Variants in DAB1 observed in about 807,000 individuals in gnomAD.
DAB1 encodes the protein DAB adaptor protein 1, also known as disabled homolog 1.
In DAB1, 15 loss-of-function variants were observed where a neutral mutation model predicts 64.6. That is an observed-to-expected ratio of 0.23 (90% confidence interval 0.16 to 0.36). The LOEUF (loss-of-function observed/expected upper bound fraction) is 0.36, where lower values mean the gene tolerates loss of function less well. Ranked by LOEUF, DAB1 falls within the 10% of genes least tolerant of loss-of-function variation. DAB1 has a pLI of 1.00. For synonymous variants in DAB1, 235 were observed against 251.9 expected (o/e 0.93, Z 0.64); for missense variants, 596 against 706.7 (o/e 0.84, Z 1.78).
downstream of DAB1, among the ~76,000 whole-genome samples, chr1:57,824,414 T>C (rs572719455): frequency 1.3e-5 from 2 of 152,308 alleles, no homozygotes; most frequent in East Asian, 3.9e-4. Flanking sequence ...CTTTTGAAAT[T>C]TGACTAATTC....
At position 58,387,220 on chromosome 1, in the gene DAB1, C is replaced by T. The variant is rs565730930; in HGVS notation, n.258-43817G>A. 2.6e-5 allele frequency among the ~76,000 whole-genome samples: 4 copies of T among 152,278 alleles called. No homozygotes were observed. The South Asian group carries it at 8.3e-4, about 32-fold the overall frequency. On this transcript the variant is annotated intron_variant and non_coding_transcript_variant, in intron 3 of 20. Transcript: ENST00000485760. ...CCCTGCTCTACATCCACTGCAGAGG[C>T]CAAGGGAAAGGTTCCCCTCCACTCT...
chr1:57,424,416 A>G (rs946653849), upstream of DAB1, among the ~76,000 whole-genome samples: 1 of 151,612 alleles, frequency 6.6e-6, no homozygotes, highest in South Asian at 2.1e-4. Context: ...TCTCCATCCC[A>G]GCGTGGAAGG....
chr1:57,577,869 A>C (rs1193617851), intron 7 of DAB1, among the ~76,000 whole-genome samples: 2 of 152,164 alleles, frequency 1.3e-5, no homozygotes, highest in Non-Finnish European at 2.9e-5. Flanking sequence ...CGCCTTCCCT[A>C]AGTTCTTTCT....
chr1:57,455,186 G>A (rs560899603), intron 7 of DAB1, among the ~76,000 whole-genome samples: 2 of 152,280 alleles, frequency 1.3e-5, no homozygotes, highest in East Asian at 3.9e-4. Flanking sequence ...AAGTAATTAT[G>A]CTTGGCATAT....
At chr1:57,112,064 G>T (rs1655710232) in intron 4 of DAB1, among the ~76,000 whole-genome samples, 1 of 152,110 alleles carries the variant, frequency 6.6e-6, no homozygotes, top group African/African-American at 2.4e-5. Context: ...ACACATAAAA[G>T]TCCGTGATGT....
chr1:58,064,815 G>A (rs1464195971), intron 5 of DAB1, among the ~76,000 whole-genome samples: 1 of 152,016 alleles, frequency 6.6e-6, no homozygotes, highest in East Asian at 1.9e-4. Flanking sequence ...TCCGCCTCCC[G>A]GGTTCACGCC....
At chr1:57,345,632 A>C (rs977525412) in intron 1 of DAB1, among the ~76,000 whole-genome samples, 2 of 152,208 alleles carry the variant, frequency 1.3e-5, no homozygotes, top group Admixed American at 1.3e-4. Flanking sequence ...CTACCAAAGG[A>C]AAAAAAGATT....
At chr1:58,436,131 G>C (rs1006507870) in intron 3 of DAB1, among the ~76,000 whole-genome samples, 1 of 152,184 alleles carries the variant, frequency 6.6e-6, no homozygotes. Flanking sequence ...TCTTTATCTT[G>C]GCTCTGTGAT....
intron 9 of DAB1, among the ~76,000 whole-genome samples, chr1:57,053,543 C>A (rs1454955769): frequency 1.3e-5 from 2 of 151,618 alleles, no homozygotes; most frequent in African/African-American, 4.8e-5. Flanking sequence ...TGTGAGCCAC[C>A]AAGCCTGGCT....
At chr1:57,996,581 A>G (rs958174997) in intron 5 of DAB1, among the ~76,000 whole-genome samples, 1 of 152,134 alleles carries the variant, frequency 6.6e-6, no homozygotes, top group African/African-American at 2.4e-5. Context: ...AGCTGTTTTT[A>G]TAGATGTCAA....
chr1:58,103,830 A>T (rs1410534362), intron 5 of DAB1, among the ~76,000 whole-genome samples: 1 of 151,998 alleles, frequency 6.6e-6, no homozygotes, highest in South Asian at 2.1e-4. Context: ...CTTTTTGTCC[A>T]TTCCTCCAAT....
At chr1:58,098,368 C>A (rs1651115273) in intron 5 of DAB1, among the ~76,000 whole-genome samples, 1 of 152,106 alleles carries the variant, frequency 6.6e-6, no homozygotes, top group South Asian at 2.1e-4. Context: ...GTTCTGGACC[C>A]TAGAGAAGGG....
rs1203781993 is a variant in DAB1 at position 58,211,610 on chromosome 1, CATA to C, written n.310-61025_310-61023del. ...AGACACAACTTTCAATTGCTACAAT[CATA>C]ATAAGATAATGTTTTCCATTGCCTA... On this transcript the variant is annotated intron_variant and non_coding_transcript_variant, in intron 4 of 20. Transcript: ENST00000485760. Among the ~76,000 whole-genome samples the C allele has an allele frequency of 2.0e-5, 3 of 152,276 alleles. No homozygotes were observed. In the East Asian group the frequency reaches 5.8e-4, roughly 29 times the overall value.
In DAB1 at chr1:58,207,792, GA is replaced by G. The variant is rs144872866; in HGVS notation, n.310-57205del. Among the ~76,000 whole-genome samples the G allele has an allele frequency of 9.4e-3, 1,429 of 152,000 alleles. 46 individuals are homozygous for G. The South Asian group carries it at 0.098, about 10-fold the overall frequency. ...TCTGTCCTGAAAAGACATATTTCAT[GA>G]AAAAAAATGCAATCTTAGAGTCTGT... On this transcript the variant is annotated intron_variant and non_coding_transcript_variant, in intron 4 of 20. Coordinates refer to the DAB1 transcript ENST00000485760.
intron 9 of DAB1, 70 bp from the exon 10 acceptor site, chr1:57,026,113 A>G (rs1646778594): frequency 8.9e-7 from 1 of 1,126,430 alleles, no homozygotes; most frequent in Non-Finnish European, 1.3e-6. Flanking sequence ...CTTTACACAC[A>G]GTATGGTATG....
At chr1:58,108,126 G>T (rs938659033) in intron 5 of DAB1, among the ~76,000 whole-genome samples, 2 of 152,290 alleles carry the variant, frequency 1.3e-5, no homozygotes, top group African/African-American at 4.8e-5. Flanking sequence ...GAGAGCAAGG[G>T]GGAGCCCTGG....
At chr1:57,387,455 G>T (rs1193539399) in intron 1 of DAB1, 3 of 146,316 alleles carry the variant, frequency 2.1e-5, no homozygotes, top group Non-Finnish European at 4.5e-5. Context: ...GCCAAACCAC[G>T]TTTTGTGTAT....
chr1:57,357,038 C>T (rs1834151), intron 1 of DAB1, among the ~76,000 whole-genome samples: 75,826 of 151,774 alleles, frequency 0.5, 19,662 homozygotes, highest in African/African-American at 0.55. Flanking sequence ...TAACTAAGTT[C>T]ATCCTGTGAA....
intron 2 of DAB1, among the ~76,000 whole-genome samples, chr1:57,239,615 A>G (rs970408240): frequency 6.6e-6 from 1 of 152,206 alleles, no homozygotes; most frequent in African/African-American, 2.4e-5. Context: ...CCTCAAAACA[A>G]TAAGACCTTT....
Sources: allele counts gnomAD v4.1 joint callset (sites outside exome capture counted in the v4.1 genomes callset), GRCh38; gene constraint gnomAD v4.1.1; transcripts MANE v1.5; gene names NCBI Gene and HGNC (gene_info 2026-07-23, HGNC 2026-07-21).